The following RSPH14 variants were observed in gnomAD, a reference collection of about 807,000 sequenced individuals.
RSPH14 encodes radial spoke head 14 homolog.
In RSPH14, 20 loss-of-function variants were observed where a neutral mutation model predicts 26.7. The observed-to-expected ratio is 0.75, with a 90% CI of 0.53 to 1.09. The LOEUF is 1.09. Ranked by LOEUF, RSPH14 falls within the 50% of genes least tolerant of loss-of-function variation. RSPH14 has a pLI of 0.00. For missense variants in RSPH14, 449 were observed against 457.2 expected, an observed-to-expected ratio of 0.98 and a Z score of 0.16; for synonymous variants, 177 against 189.3, an observed-to-expected ratio of 0.93 and a Z score of 0.53.
At chr22:23,153,108 T>C in the RSPH14 span, 12 of 1,613,958 alleles carry the variant, frequency 7.4e-6, no homozygotes, top group Non-Finnish European at 9.3e-6. Context: ...GCTTTGAGAT[T>C]GCTGGGATTC....
intron 4 of RSPH14, among the ~76,000 whole-genome samples, chr22:23,078,872 C>A (rs9306383): frequency 0.52 from 78,981 of 152,048 alleles, 22,208 homozygotes; most frequent in East Asian, 0.95. Context: ...AGGGCTTAGT[C>A]GTGGGGCAGC....
the RSPH14 span, chr22:23,155,917 G>A: frequency 2.6e-6 from 4 of 1,531,606 alleles, no homozygotes; most frequent in Non-Finnish European, 3.5e-6. Context: ...TCAAGACACT[G>A]TGATTGTGTA....
At chr22:23,135,317 CAAA>C (rs55649510) in intron 3 of RSPH14, among the ~76,000 whole-genome samples, 25,691 of 85,772 alleles carry the variant, frequency 0.3, 2,327 homozygotes, top group East Asian at 0.4. Context: ...ACTAAAAATA[CAAA>C]AAAAAAAAAA....
intron 4 of RSPH14, among the ~76,000 whole-genome samples, chr22:23,100,375 G>C (rs2069262193): frequency 6.6e-6 from 1 of 152,348 alleles, no homozygotes; most frequent in African/African-American, 2.4e-5. Flanking sequence ...GTCACAGCAG[G>C]GTTCACCGTG....
the RSPH14 span, chr22:23,152,576 T>G: frequency 6.4e-7 from 1 of 1,566,424 alleles, no homozygotes; most frequent in South Asian, 1.1e-5. Context: ...CACCAGGTTG[T>G]CATACCTTTG....
the RSPH14 span, chr22:23,153,163 G>A: frequency 3.1e-5 from 49 of 1,558,970 alleles, 1 homozygote; most frequent in South Asian, 5.4e-4. Context: ...CATGGCTCGT[G>A]GGCAGCTTCC....
At chr22:23,130,125 AAGAAAG>A (rs2070306343) in intron 4 of RSPH14, among the ~76,000 whole-genome samples, 1 of 107,776 alleles carries the variant, frequency 9.3e-6, no homozygotes, top group Non-Finnish European at 2.1e-5. Context: ...GAAAGAAAGA[AAGAAAG>A]AAAGAAAGAA....
chr22:23,159,367 G>A, the RSPH14 span: 1 of 1,041,694 alleles, frequency 9.6e-7, no homozygotes, highest in Non-Finnish European at 1.4e-6. Flanking sequence ...TCCCTCTGTG[G>A]CCCTGGTGCA....
At chr22:23,128,782 T>C (rs1350297785) in intron 4 of RSPH14, among the ~76,000 whole-genome samples, 1 of 152,148 alleles carries the variant, frequency 6.6e-6, no homozygotes, top group Admixed American at 6.5e-5. Context: ...AGCAGGTAAG[T>C]GAACTGTAGC....
At chr22:23,113,218 A>C (rs2069707692) in intron 4 of RSPH14, among the ~76,000 whole-genome samples, 1 of 152,208 alleles carries the variant, frequency 6.6e-6, no homozygotes, top group African/African-American at 2.4e-5. Context: ...TCTTTACAAC[A>C]GCTGGGGCCC....
intron 4 of RSPH14, among the ~76,000 whole-genome samples, chr22:23,098,829 G>C (rs542839113): frequency 6.6e-6 from 1 of 152,352 alleles, no homozygotes; most frequent in African/African-American, 2.4e-5. Context: ...CCCCAGAGTG[G>C]TGCCGGCAGT....
the RSPH14 span, chr22:23,159,243 G>A: frequency 1.6e-5 from 26 of 1,591,622 alleles, no homozygotes; most frequent in Non-Finnish European, 2.1e-5. Context: ...GGTCAGTGTC[G>A]GCCAAGACTG....
At chr22:23,063,880 C>A in intron 5 of RSPH14, 22 bp downstream of exon 5, 1 of 1,611,980 alleles carries the variant, frequency 6.2e-7, no homozygotes, top group Non-Finnish European at 8.5e-7. Flanking sequence ...TTGGTAGAAA[C>A]CCAGCCTAGG....
At chr22:23,084,662 G>A (rs934451173) in intron 4 of RSPH14, among the ~76,000 whole-genome samples, 4 of 152,348 alleles carry the variant, frequency 2.6e-5, no homozygotes, top group Non-Finnish European at 4.4e-5. Context: ...GAGCACCTGC[G>A]CTTCGTGGCC....
intron 4 of RSPH14, among the ~76,000 whole-genome samples, chr22:23,130,496 A>AAGAAAGAAAAAGAAAGAAAGAAAGAAAG (rs67156030): frequency 9.0e-6 from 1 of 110,692 alleles, no homozygotes; most frequent in African/African-American, 3.6e-5. Context: ...GAAGGAAAGA[A>AAGAAAGAAAAAGAAAGAAAGAAAGAAAG]AAAGAAAGAA....
Position 23,138,713 on chromosome 22 carries a change from T to C in RSPH14, c.302+127A>G, listed in dbSNP as rs1425305601. 5 of 755,384 alleles carry C rather than the reference T, an allele frequency of 6.6e-6. No individual in the cohort carries two copies. In the Admixed American group the frequency reaches 8.3e-5, roughly 12 times the overall value. The allele number at this position is 755,384 out of a possible 1,614,324, so 46.8% of individuals were successfully genotyped here. A position where few individuals can be genotyped will look rare whatever the true frequency, so the allele number is the denominator to read the frequency against. ...CACAAAGAGTCCTGCTCTGGCTAAATAGAAGCCCCTGCAAAAACTGATGCG... is the reference window on the plus strand; with the variant it reads ...CACAAAGAGTCCTGCTCTGGCTAAACAGAAGCCCCTGCAAAAACTGATGCG... On this transcript the variant is annotated intron_variant, in intron 3 of 6. Coordinates refer to ENST00000216036, the MANE Select transcript of RSPH14 (RefSeq NM_014433.3).
upstream of RSPH14, among the ~76,000 whole-genome samples, chr22:23,147,412 C>T (rs2070848910): frequency 1.3e-5 from 2 of 152,074 alleles, no homozygotes; most frequent in Admixed American, 1.3e-4. Context: ...TAATTCACTC[C>T]TCTAACTCCT....
At chr22:23,123,724 G>T in intron 4 of RSPH14, 1 of 404,920 alleles carries the variant, frequency 2.5e-6, no homozygotes, top group Non-Finnish European at 4.5e-6. Context: ...GTCACTACAA[G>T]CCCAACCTGC....
At chr22:23,073,954 C>T (rs1375589092) in intron 4 of RSPH14, among the ~76,000 whole-genome samples, 4 of 152,106 alleles carry the variant, frequency 2.6e-5, no homozygotes, top group East Asian at 3.9e-4. Context: ...GACACAGTGC[C>T]ATGCAGAAGT....
Sources: allele counts gnomAD v4.1 joint callset (sites outside exome capture counted in the v4.1 genomes callset), GRCh38; gene constraint gnomAD v4.1.1; transcripts MANE v1.5; gene names NCBI Gene and HGNC (gene_info 2026-07-23, HGNC 2026-07-21).